IL20RB: variants seen among roughly 807,000 people sequenced by gnomAD.
The protein encoded by IL20RB is interleukin 20 receptor subunit beta.
In IL20RB, 21 loss-of-function variants were observed where a neutral mutation model predicts 33.3. That is an observed-to-expected ratio of 0.63 (90% CI 0.45 to 0.91). The LOEUF is 0.91. IL20RB is among the 40% of genes least tolerant of loss of function. The pLI is 0.00. For missense variants in IL20RB, 345 were observed against 384.8 expected (o/e 0.90, Z 0.86); for synonymous variants, 147 against 146.8 (o/e 1.00, Z -0.01).
At chr3:136,994,871 A>G (rs987941494) in intron 5 of IL20RB, among the ~76,000 whole-genome samples, 1 of 152,246 alleles carries the variant, frequency 6.6e-6, no homozygotes, top group African/African-American at 2.4e-5. Context: ...TCCAGCCCCC[A>G]GCATAGTTCT....
intron 6 of IL20RB, among the ~76,000 whole-genome samples, chr3:137,001,557 C>A (rs892972604): frequency 6.6e-6 from 1 of 152,188 alleles, no homozygotes; most frequent in African/African-American, 2.4e-5. Flanking sequence ...GCCATCCTTG[C>A]AAAGTCAACT....
chr3:136,961,249 T>C (rs1560063333), intron 1 of IL20RB, among the ~76,000 whole-genome samples: 3 of 152,168 alleles, frequency 2.0e-5, no homozygotes, highest in South Asian at 2.1e-4. Context: ...TTTAAAAACT[T>C]GTCTTCAGGG....
chr3:136,970,597 T>C (rs1254939329), intron 1 of IL20RB, among the ~76,000 whole-genome samples: 1 of 150,880 alleles, frequency 6.6e-6, no homozygotes, highest in Non-Finnish European at 1.5e-5. Flanking sequence ...TTAAAATGGT[T>C]TTAGTTATTC....
intron 3 of IL20RB, among the ~76,000 whole-genome samples, chr3:136,988,121 G>C (rs1941955868): frequency 6.6e-6 from 1 of 152,224 alleles, no homozygotes; most frequent in African/African-American, 2.4e-5. Flanking sequence ...AGCGAGGGCT[G>C]TGAGGACTGC....
chr3:136,994,927 T>C (rs1942097390), intron 5 of IL20RB, among the ~76,000 whole-genome samples: 2 of 152,228 alleles, frequency 1.3e-5, no homozygotes, highest in Non-Finnish European at 2.9e-5. Context: ...GCTTGATATA[T>C]TGTAGTTATT....
chr3:136,981,289 A>AATTAAATTAC (rs1941768538), intron 2 of IL20RB, among the ~76,000 whole-genome samples: 2 of 152,060 alleles, frequency 1.3e-5, no homozygotes, highest in African/African-American at 4.8e-5. Context: ...AATTAAATTA[A>AATTAAATTAC]ATTAAATTAA....
chr3:137,009,570 G>C (rs971221420), intron 6 of IL20RB, among the ~76,000 whole-genome samples: 33 of 152,056 alleles, frequency 2.2e-4, no homozygotes, highest in Admixed American at 9.8e-4. Flanking sequence ...ACAGGGTCTT[G>C]CTCTGTTACC....
rs115799158 is a variant in IL20RB at position 136,984,538 on chromosome 3, G to T, written c.406+2188G>T. Among the ~76,000 whole-genome samples, 895 of 152,064 alleles carry T rather than the reference G, an allele frequency of 5.9e-3. 12 individuals are homozygous for T. Among genetic ancestry groups the T allele is most frequent in the African/African-American group, 0.019 (804 of 41,464 alleles). ...CTGTTGTGAAAGATGGTGGAAGAAG[G>T]TTTGGGGCAGAATTTGCAGCATTCG... is the stretch of plus-strand genomic sequence containing the variant. On this transcript the variant is annotated intron_variant, in intron 3 of 6. Coordinates refer to ENST00000329582, the MANE Select transcript of IL20RB (RefSeq NM_144717.4).
intron 5 of IL20RB, among the ~76,000 whole-genome samples, chr3:136,993,745 G>A (rs929961629): frequency 1.1e-4 from 16 of 152,094 alleles, no homozygotes; most frequent in Non-Finnish European, 1.9e-4. Context: ...AGGTGTGGTG[G>A]CTCATGCCTG....
chr3:136,970,047 C>A (rs1342177444), intron 1 of IL20RB, among the ~76,000 whole-genome samples: 2 of 151,334 alleles, frequency 1.3e-5, no homozygotes, highest in African/African-American at 4.9e-5. Context: ...TGCAGATATC[C>A]AATTGTTCCA....
At chr3:136,963,702 T>A (rs1408895857) in intron 1 of IL20RB, among the ~76,000 whole-genome samples, 6 of 147,206 alleles carry the variant, frequency 4.1e-5, no homozygotes, top group African/African-American at 1.5e-4. Flanking sequence ...TATTTTTTTT[T>A]TTTATTATAC....
chr3:136,993,831 G>T (rs1942077436), intron 5 of IL20RB, among the ~76,000 whole-genome samples: 1 of 151,966 alleles, frequency 6.6e-6, no homozygotes, highest in Non-Finnish European at 1.5e-5. Flanking sequence ...TGACCATTGT[G>T]ATGAAACCCT....
Position 136,978,418 on chromosome 3 carries a change from G to A in IL20RB, c.89-2048G>A, listed in dbSNP as rs1003893028. 3.0e-4 allele frequency among the ~76,000 whole-genome samples: 46 copies of A among 151,946 alleles called. 1 individual carries two copies. Among genetic ancestry groups the A allele is most frequent in the Non-Finnish European group, 7.4e-5 (5 of 67,994 alleles). On this transcript the variant is annotated intron_variant, in intron 1 of 6. Coordinates refer to ENST00000329582, the MANE Select transcript of IL20RB (RefSeq NM_144717.4). Reference sequence around the variant, plus strand: ...TGACCTCAGCTGATCCGCCTGCCTCGGCCTCCCAAAGTGCTGGGATTATGG... The same window carrying A: ...TGACCTCAGCTGATCCGCCTGCCTCAGCCTCCCAAAGTGCTGGGATTATGG...
chr3:136,980,268 T>G, intron 1 of IL20RB, 198 bp from the exon 2 acceptor site: 21 of 574,920 alleles, frequency 3.7e-5, no homozygotes, highest in East Asian at 6.2e-5. Context: ...TTAGAGTTGT[T>G]TCTGGTTTAT....
intron 1 of IL20RB, among the ~76,000 whole-genome samples, chr3:136,961,625 A>G (rs1941218834): frequency 6.6e-6 from 1 of 152,172 alleles, no homozygotes; most frequent in Admixed American, 6.5e-5. Context: ...CAATTAACAT[A>G]GTATCCTGGA....
At chr3:136,962,495 T>C (rs1941248436) in intron 1 of IL20RB, among the ~76,000 whole-genome samples, 1 of 152,190 alleles carries the variant, frequency 6.6e-6, no homozygotes, top group Admixed American at 6.5e-5. Flanking sequence ...GGCTCATGCC[T>C]GTAATCCCAG....
At chr3:136,970,433 A>G (rs1941444213) in intron 1 of IL20RB, among the ~76,000 whole-genome samples, 1 of 151,950 alleles carries the variant, frequency 6.6e-6, no homozygotes, top group Non-Finnish European at 1.5e-5. Context: ...TTTGTCTGGA[A>G]TTGTCAAAAA....
chr3:136,980,661 T>C, intron 2 of IL20RB, 69 bp downstream of exon 2: 1 of 1,578,064 alleles, frequency 6.3e-7, no homozygotes. Context: ...TAGCCCTTCC[T>C]CCTGAGCCCA....
chr3:137,004,233 T>C (rs1336067428), intron 6 of IL20RB, among the ~76,000 whole-genome samples: 2 of 152,166 alleles, frequency 1.3e-5, no homozygotes, highest in South Asian at 4.2e-4. Flanking sequence ...CTTTTTTGTG[T>C]GTATGTCTCT....
Sources: allele counts gnomAD v4.1 joint callset (sites outside exome capture counted in the v4.1 genomes callset), GRCh38; gene constraint gnomAD v4.1.1; transcripts MANE v1.5; gene names NCBI Gene and HGNC (gene_info 2026-07-23, HGNC 2026-07-21).